The following SLC1A3 variants were observed in gnomAD, a reference collection of about 807,000 sequenced individuals.
SLC1A3 encodes the protein excitatory amino acid transporter 1.
A neutral mutation model predicts 48.1 loss-of-function variants in SLC1A3; 21 were observed. That is an observed-to-expected ratio of 0.44 (90% CI 0.31 to 0.63). The LOEUF is 0.63. SLC1A3 is among the 20% of genes least tolerant of loss of function. The pLI is 0.08. For missense variants in SLC1A3, 546 were observed against 689.0 expected (o/e 0.79, Z 2.32); for synonymous variants, 239 against 251.4 (o/e 0.95, Z 0.47).
rs1447007811 is a variant in SLC1A3 at position 36,629,514 on chromosome 5, C to T, written c.246C>T (p.Ser82=). ...GCTACCGGGAAGTCAAGTACTTCTC[C>T]TTTCCTGGGGAACTTCTGATGAGGA... is the stretch of plus-strand genomic sequence containing the variant. The part of the protein sequence containing the change: ...RMSYREVKYF[S]FPGELLMRML... The change falls in exon 3 of 10, where the codon TCC becomes TCT. Residue 82 remains serine, a synonymous_variant. Transcript: ENST00000265113. 1.9e-6 allele frequency: 3 copies of T among 1,612,268 alleles called. No homozygotes were observed. The highest frequency in any genetic ancestry group is 1.1e-5 in the South Asian group (1 of 91,030).
At chr5:36,599,945 C>T (rs978753897) in intron 1 of SLC1A3, among the ~76,000 whole-genome samples, 11 of 152,050 alleles carry the variant, frequency 7.2e-5, no homozygotes, top group Non-Finnish European at 1.5e-4. Flanking sequence ...CTTCAGCCTC[C>T]CGAGTAGCTA....
At chr5:36,646,250 A>T (rs1740835957) in intron 3 of SLC1A3, among the ~76,000 whole-genome samples, 1 of 152,232 alleles carries the variant, frequency 6.6e-6, no homozygotes, top group Non-Finnish European at 1.5e-5. Context: ...ACAATCTGGA[A>T]TTGTAAAGAA....
rs142502721 is a variant in SLC1A3 at position 36,619,314 on chromosome 5, T to A, written c.182-10136T>A. Among the ~76,000 whole-genome samples the A allele has an allele frequency of 3.3e-3, 495 of 152,304 alleles. 5 individuals carry two copies. Among genetic ancestry groups the A allele is most frequent in the African/African-American group, 0.011 (476 of 41,562 alleles). ...CCAGCAGAACTCTTACCCAGGTAGA[T>A]TCACCATTATGGCTTTGCTTTCTTT... is the stretch of plus-strand genomic sequence containing the variant. On this transcript the variant is annotated intron_variant, in intron 2 of 9. Transcript: ENST00000265113.
At chr5:36,677,302 G>T in intron 6 of SLC1A3, 118 bp downstream of exon 6, 1 of 805,860 alleles carries the variant, frequency 1.2e-6, no homozygotes, top group South Asian at 1.7e-5. Flanking sequence ...ATCTCACTCT[G>T]GTAAGCCCAG....
intron 3 of SLC1A3, among the ~76,000 whole-genome samples, chr5:36,638,553 T>C (rs1430753661): frequency 6.6e-6 from 1 of 152,206 alleles, no homozygotes; most frequent in East Asian, 1.9e-4. Context: ...TACCAGCACA[T>C]GCTGTCATGC....
intron 3 of SLC1A3, among the ~76,000 whole-genome samples, chr5:36,651,667 C>T (rs1323792838): frequency 6.6e-6 from 1 of 151,812 alleles, no homozygotes; most frequent in African/African-American, 2.4e-5. Context: ...CAGGAAACAT[C>T]TCCTACACAC....
chr5:36,637,194 T>G (rs1036176287), intron 3 of SLC1A3, among the ~76,000 whole-genome samples: 2 of 152,152 alleles, frequency 1.3e-5, no homozygotes, highest in Non-Finnish European at 2.9e-5. Context: ...GTAGGGACAG[T>G]GGTCTAGATC....
At position 36,636,045 on chromosome 5, in the gene SLC1A3, T is replaced by TTGTGTGTGTGTGTGGGTGTGTG. The variant is rs1554041116; in HGVS notation, c.319+6472_319+6473insGGTGTGTGTGTGTGTGTGTGTG. On this transcript the variant is annotated intron_variant, in intron 3 of 9. Transcript: ENST00000265113. ...AAAGCAAATCTGGGTAATTAAATGT[T>TTGTGTGTGTGTGTGGGTGTGTG]TGTGTGTGTGTGTGTGTGTGTGTGT... 10 of 137,724 alleles carry TTGTGTGTGTGTGTGGGTGTGTG rather than the reference T, an allele frequency of 7.3e-5. 2 individuals are homozygous for TTGTGTGTGTGTGTGGGTGTGTG. 8.5% of individuals were successfully genotyped at this position (137,724 alleles called of 1,614,324 possible). A position where few individuals can be genotyped will look rare whatever the true frequency, so the allele number is the denominator to read the frequency against.
At chr5:36,631,115 G>C (rs1248241024) in intron 3 of SLC1A3, among the ~76,000 whole-genome samples, 1 of 152,168 alleles carries the variant, frequency 6.6e-6, no homozygotes, top group East Asian at 1.9e-4. Context: ...CTGCTGGCAG[G>C]GCATCTGGAT....
At chr5:36,609,431 G>A (rs1739105357) in intron 2 of SLC1A3, 1 of 201,756 alleles carries the variant, frequency 5.0e-6, no homozygotes, top group Admixed American at 6.5e-5. Flanking sequence ...CCAATGCCAG[G>A]TTGTAAAAAT....
chr5:36,627,932 C>T (rs748484873), intron 2 of SLC1A3, among the ~76,000 whole-genome samples: 2 of 152,124 alleles, frequency 1.3e-5, no homozygotes, highest in South Asian at 4.2e-4. Flanking sequence ...TAAAATAGTA[C>T]CCTCCTCCTG....
At chr5:36,683,758 G>A (rs1482471837) in intron 8 of SLC1A3, 106 bp from the exon 9 acceptor site, 3 of 1,252,980 alleles carry the variant, frequency 2.4e-6, no homozygotes, top group Middle Eastern at 4.0e-4. Flanking sequence ...GTCCTCTTGT[G>A]TTACATGGCA....
chr5:36,657,112 A>G (rs975524907), intron 3 of SLC1A3, among the ~76,000 whole-genome samples: 1 of 152,180 alleles, frequency 6.6e-6, no homozygotes, highest in Non-Finnish European at 1.5e-5. Flanking sequence ...TGACATTCCT[A>G]TCTAGAGGGG....
chr5:36,673,386 C>T (rs532362191), intron 4 of SLC1A3, among the ~76,000 whole-genome samples: 1 of 152,286 alleles, frequency 6.6e-6, no homozygotes, highest in Admixed American at 6.5e-5. Context: ...TGTCACACAG[C>T]TGATGACAGA....
At chr5:36,683,270 C>T (rs535875744) in intron 8 of SLC1A3, among the ~76,000 whole-genome samples, 13 of 152,246 alleles carry the variant, frequency 8.5e-5, no homozygotes, top group African/African-American at 2.2e-4. Flanking sequence ...TATTTAAAAA[C>T]GACTAGAATA....
intron 3 of SLC1A3, among the ~76,000 whole-genome samples, chr5:36,635,275 G>A (rs561793791): frequency 6.6e-6 from 1 of 152,280 alleles, no homozygotes; most frequent in African/African-American, 2.4e-5. Context: ...TCACAAGGTT[G>A]TTGTGAGGAT....
intron 9 of SLC1A3, 109 bp downstream of exon 9, chr5:36,684,107 GC>G: frequency 7.4e-7 from 1 of 1,357,234 alleles, no homozygotes; most frequent in Admixed American, 1.7e-5. Context: ...GAGGAGAGGG[GC>G]CTCTCGGCCC....
intron 7 of SLC1A3, 58 bp from the exon 8 acceptor site, chr5:36,680,337 A>G (rs1253128103): frequency 2.1e-6 from 3 of 1,451,202 alleles, no homozygotes; most frequent in Non-Finnish European, 1.9e-6. Context: ...GACCAAACGC[A>G]CAGACAGTCA....
chr5:36,628,182 T>A (rs1457270659), intron 2 of SLC1A3, among the ~76,000 whole-genome samples: 3 of 152,226 alleles, frequency 2.0e-5, no homozygotes, highest in African/African-American at 7.2e-5. Context: ...GCTGGATTTT[T>A]TTTAGCCACG....
Sources: allele counts gnomAD v4.1 joint callset (sites outside exome capture counted in the v4.1 genomes callset), GRCh38; gene constraint gnomAD v4.1.1; transcripts MANE v1.5; gene names NCBI Gene and HGNC (gene_info 2026-07-23, HGNC 2026-07-21).